Variants in WDR33 observed in about 807,000 individuals in gnomAD.
WDR33 encodes WD repeat domain 33.
WDR33 carries 47 observed loss-of-function variants against 164.9 expected under a neutral mutation model. That is an observed-to-expected ratio of 0.29 (90% CI 0.23 to 0.36). WDR33 has a LOEUF of 0.36. Among genes scored for constraint, WDR33 ranks in the 10% least tolerant of loss-of-function variants. WDR33 has a pLI of 1.00. For synonymous variants in WDR33, 505 were observed against 589.0 expected, an observed-to-expected ratio of 0.86 and a Z score of 2.06; for missense variants, 1,137 against 1,754.1, an observed-to-expected ratio of 0.65 and a Z score of 6.28.
At chr2:127,790,538 G>A (rs984893354) in intron 1 of WDR33, among the ~76,000 whole-genome samples, 33 of 152,168 alleles carry the variant, frequency 2.2e-4, no homozygotes, top group East Asian at 9.6e-4. Context: ...AGTGGCCAGC[G>A]AAACCATCTC....
At chr2:127,794,671 T>G (rs1688961667) in intron 1 of WDR33, among the ~76,000 whole-genome samples, 1 of 151,256 alleles carries the variant, frequency 6.6e-6, no homozygotes, top group African/African-American at 2.4e-5. Context: ...CTGTCTCTAC[T>G]AAAAATACAA....
chr2:127,808,088 G>A (rs1053196355), intron 1 of WDR33, among the ~76,000 whole-genome samples: 2 of 152,192 alleles, frequency 1.3e-5, no homozygotes, highest in Non-Finnish European at 2.9e-5. Context: ...TAACTTATCA[G>A]AGGAATGAGA....
chr2:127,809,031 C>CAAAAAAAA (rs11305287), intron 1 of WDR33, among the ~76,000 whole-genome samples: 5 of 84,916 alleles, frequency 5.9e-5, no homozygotes, highest in African/African-American at 2.3e-4. Flanking sequence ...ACTCTTGTCT[C>CAAAAAAAA]AAAAAAAAAA....
intron 1 of WDR33, among the ~76,000 whole-genome samples, chr2:127,783,937 T>G (rs891650679): frequency 6.6e-6 from 1 of 152,034 alleles, no homozygotes; most frequent in Non-Finnish European, 1.5e-5. Flanking sequence ...ACACTGAAGA[T>G]TCCCCAAAAT....
intron 7 of WDR33, among the ~76,000 whole-genome samples, chr2:127,756,198 G>C (rs1297901837): frequency 6.6e-6 from 1 of 152,000 alleles, no homozygotes; most frequent in Admixed American, 6.6e-5. Context: ...GCTGGGTCTT[G>C]TGGTGCATGC....
Position 127,791,270 on chromosome 2 carries a change from C to T in WDR33, c.-24+19742G>A, listed in dbSNP as rs145573436. 2.1e-4 allele frequency among the ~76,000 whole-genome samples: 31 copies of T among 150,918 alleles called. No individual in the cohort carries two copies. In the East Asian group the frequency reaches 3.7e-3, roughly 18 times the overall value. The stretch of plus-strand genomic sequence containing the variant: ...AACTCCTGGGCTCAAGCAATCCTCC[C>T]GCCTCGGCCTCCCAAAGTACTGTGA... On this transcript the variant is annotated intron_variant, in intron 1 of 21. Coordinates refer to ENST00000322313, the MANE Select transcript of WDR33 (RefSeq NM_018383.5).
Position 127,702,820 on chromosome 2 carries a change from G to A in WDR33, c.*3503C>T, listed in dbSNP as rs527334471. ...TCACGACGAAAGCGACGGACCAAAAGAAATTTCCTGCCCCAAGAAGCATGG... is the reference window on the plus strand; with the variant it reads ...TCACGACGAAAGCGACGGACCAAAAAAAATTTCCTGCCCCAAGAAGCATGG... On this transcript the variant is annotated 3_prime_UTR_variant, in exon 22 of 22. Coordinates refer to ENST00000322313, the MANE Select transcript of WDR33 (RefSeq NM_018383.5). 2 of 166,972 alleles carry A rather than the reference G, an allele frequency of 1.2e-5. No individual in the cohort carries two copies. The highest frequency in any genetic ancestry group is 2.1e-4 in the South Asian group (1 of 4,830). The allele number at this position is 166,972 out of a possible 1,614,324, so 10.3% of individuals were successfully genotyped here. A position where few individuals can be genotyped will look rare whatever the true frequency, so the allele number is the denominator to read the frequency against.
intron 1 of WDR33, among the ~76,000 whole-genome samples, chr2:127,776,566 G>T (rs187820187): frequency 5.2e-4 from 79 of 152,174 alleles, no homozygotes; most frequent in Non-Finnish European, 8.8e-4. Context: ...AAAATTAGCC[G>T]GGCCTGGTGG....
intron 7 of WDR33, among the ~76,000 whole-genome samples, chr2:127,749,782 G>C (rs558693871): frequency 6.6e-6 from 1 of 151,434 alleles, no homozygotes; most frequent in African/African-American, 2.4e-5. Flanking sequence ...TTTCTCGTCA[G>C]CAAGAACTGA....
chr2:127,778,265 C>A (rs145424001), intron 1 of WDR33, among the ~76,000 whole-genome samples: 3,231 of 151,956 alleles, frequency 0.021, 124 homozygotes, highest in African/African-American at 0.075. Context: ...GGCAAAACCC[C>A]ATCTCTACTA....
intron 1 of WDR33, among the ~76,000 whole-genome samples, chr2:127,795,657 T>TAAAA (rs113988239): frequency 7.7e-6 from 1 of 130,562 alleles, no homozygotes; most frequent in Non-Finnish European, 1.7e-5. Context: ...CTCCTTTCTA[T>TAAAA]AAAAAAAAAA....
intron 7 of WDR33, among the ~76,000 whole-genome samples, chr2:127,759,884 A>T (rs6727268): frequency 0.47 from 70,761 of 150,904 alleles, 17,659 homozygotes; most frequent in African/African-American, 0.63. Context: ...CTATTTTTTT[A>T]AAAAAAATTA....
rs1044794483 is a variant in WDR33, at chr2:127,721,684, G to A, written c.1671+152C>T. On this transcript the variant is annotated intron_variant, in intron 15 of 21. Coordinates refer to ENST00000322313, the MANE Select transcript of WDR33 (RefSeq NM_018383.5). This position sits in a 1 kb window ranked among gnomAD's most constrained non-coding sequence, Gnocchi z 4.9. ...AAATTTTAAGAAACAGGATTCTTTT[G>A]GAAACTAGTCTTCTAGCATAGCAAC... 1 of 744,896 alleles carries A rather than the reference G, an allele frequency of 1.3e-6. No individual in the cohort carries two copies. The allele number at this position is 744,896 out of a possible 1,614,324, so 46.1% of individuals were successfully genotyped here.
Position 127,719,962 on chromosome 2 carries a change from C to T in WDR33, c.2063G>A (p.Gly688Glu). The T allele has an allele frequency of 6.2e-7, 1 of 1,613,952 alleles. No homozygotes were observed. The highest frequency in any genetic ancestry group is 8.5e-7 in the Non-Finnish European group (1 of 1,179,966). ...QRHPGPHGPL[G>E]PQGPPGPQGS... The stretch of plus-strand genomic sequence containing the variant: ...TTGTGGTCCAGGTGGCCCTTGAGGT[C>T]CCAAAGGGCCATGAGGTCCAGGATG... Residue 688 changes from glycine to glutamate, a missense_variant, in exon 16 of 22, where the codon GGA (glycine) becomes GAA (glutamate). Around this residue, in one of 9 missense-constraint regions of WDR33, gnomAD observed 867 missense variants for 1,073.0 expected, o/e 0.81. Transcript: ENST00000322313. The surrounding 1 kb of genome is among the most constrained non-coding windows in gnomAD (Gnocchi z 6.5).
chr2:127,732,407 T>C (rs1377971615), intron 7 of WDR33, among the ~76,000 whole-genome samples: 6 of 151,958 alleles, frequency 3.9e-5, no homozygotes, highest in Non-Finnish European at 8.8e-5. Flanking sequence ...TTGCAGCCTC[T>C]GACTCCTGGG....
intron 1 of WDR33, among the ~76,000 whole-genome samples, chr2:127,794,266 G>A (rs1421995418): frequency 1.3e-5 from 2 of 150,946 alleles, no homozygotes; most frequent in African/African-American, 4.9e-5. Context: ...TTGGGAGGCA[G>A]AGGCAGGTGG....
In WDR33 at chr2:127,721,161, G is replaced by A. The variant is rs1228360110; in HGVS notation, c.1671+675C>T. Reference sequence around the variant, plus strand: ...CTCACTTTGTGGCACAGGCTGGAGTGCAGTGGTACGATCTCGGCTCACTGA... The same window carrying A: ...CTCACTTTGTGGCACAGGCTGGAGTACAGTGGTACGATCTCGGCTCACTGA... On this transcript the variant is annotated intron_variant, in intron 15 of 21. Coordinates refer to ENST00000322313, the MANE Select transcript of WDR33 (RefSeq NM_018383.5). This position sits in a 1 kb window ranked among gnomAD's most constrained non-coding sequence, Gnocchi z 4.9. Among the ~76,000 whole-genome samples the A allele has an allele frequency of 1.3e-5, 2 of 152,278 alleles. No individual in the cohort carries two copies. The highest frequency in any genetic ancestry group is 6.5e-5 in the Admixed American group (1 of 15,300).
intron 7 of WDR33, chr2:127,762,464 T>C: frequency 1.0e-6 from 1 of 959,706 alleles, no homozygotes; most frequent in Non-Finnish European, 1.2e-6. Flanking sequence ...TAATCTAAAA[T>C]AATCGAAGTG....
At chr2:127,793,283 T>C (rs1489932644) in intron 1 of WDR33, among the ~76,000 whole-genome samples, 1 of 151,310 alleles carries the variant, frequency 6.6e-6, no homozygotes, top group Non-Finnish European at 1.5e-5. Context: ...ATATAAAAAT[T>C]AGCCGGGCAT....
Sources: allele counts gnomAD v4.1 joint callset (sites outside exome capture counted in the v4.1 genomes callset), GRCh38; gene constraint gnomAD v4.1.1; regional missense constraint gnomAD v4.1.1; non-coding constraint Gnocchi (gnomAD v3.1); transcripts MANE v1.5; gene names NCBI Gene and HGNC (gene_info 2026-07-23, HGNC 2026-07-21).